Variants in TAFA1 observed in about 807,000 individuals in gnomAD.
The protein encoded by TAFA1 is TAFA chemokine like family member 1.
In TAFA1, 4 loss-of-function variants were observed where a neutral mutation model predicts 18.5. That is an observed-to-expected ratio of 0.22 (90% CI 0.11 to 0.49). The LOEUF (loss-of-function observed/expected upper bound fraction) is 0.49, where lower values mean the gene tolerates loss of function less well. Among genes scored for constraint, TAFA1 ranks in the 20% least tolerant of loss-of-function variants. The probability of loss-of-function intolerance (pLI) is 0.98; values close to 1 mark genes in which losing one functional copy is unlikely to be tolerated. For synonymous variants in TAFA1, 56 were observed against 55.2 expected, an observed-to-expected ratio of 1.01 and a Z score of -0.06; for missense variants, 147 against 169.0, an observed-to-expected ratio of 0.87 and a Z score of 0.72.
chr3:68,381,026 A>T (rs1332172692), intron 2 of TAFA1, among the ~76,000 whole-genome samples: 3 of 138,750 alleles, frequency 2.2e-5, no homozygotes, highest in South Asian at 5.3e-4. Flanking sequence ...TTAAATAAGG[A>T]ATCCTTTCCC....
intron 2 of TAFA1, among the ~76,000 whole-genome samples, chr3:68,386,906 A>G (rs550880206): frequency 6.6e-6 from 1 of 152,276 alleles, no homozygotes; most frequent in Admixed American, 6.5e-5. Flanking sequence ...ATCAATTTGC[A>G]AGACTCTTTA....
At chr3:68,505,590 T>C (rs2072734171) in intron 3 of TAFA1, among the ~76,000 whole-genome samples, 1 of 152,140 alleles carries the variant, frequency 6.6e-6, no homozygotes, top group Non-Finnish European at 1.5e-5. Flanking sequence ...TCTGGAGGCT[T>C]AACTATGGAA....
At chr3:68,412,338 T>TC (rs2070734333) in intron 2 of TAFA1, among the ~76,000 whole-genome samples, 1 of 150,766 alleles carries the variant, frequency 6.6e-6, no homozygotes, top group Non-Finnish European at 1.5e-5. Flanking sequence ...GCAAGTTTCT[T>TC]TTTTTTTTCT....
At chr3:68,052,489 A>G (rs1221595584) in intron 2 of TAFA1, among the ~76,000 whole-genome samples, 2 of 152,186 alleles carry the variant, frequency 1.3e-5, no homozygotes, top group Non-Finnish European at 2.9e-5. Context: ...ATCCTCTGAG[A>G]AGATACATCT....
intron 2 of TAFA1, among the ~76,000 whole-genome samples, chr3:68,032,902 A>G (rs1186187911): frequency 6.6e-6 from 1 of 152,120 alleles, no homozygotes; most frequent in Non-Finnish European, 1.5e-5. Flanking sequence ...TCTTTTCAGT[A>G]CTTGCTTCCT....
At chr3:68,093,727 C>T (rs2065054744) in intron 2 of TAFA1, among the ~76,000 whole-genome samples, 1 of 151,468 alleles carries the variant, frequency 6.6e-6, no homozygotes, top group Non-Finnish European at 1.5e-5. Context: ...ATCAATATAT[C>T]TTGTGTTTTT....
At chr3:68,383,259 T>C (rs2070017620) in intron 2 of TAFA1, among the ~76,000 whole-genome samples, 1 of 73,368 alleles carries the variant, frequency 1.4e-5, no homozygotes, top group Non-Finnish European at 2.9e-5. Flanking sequence ...TCCTTGTCTT[T>C]TGCGGGTTTT....
chr3:68,500,999 A>G (rs991779439), intron 3 of TAFA1, among the ~76,000 whole-genome samples: 1 of 151,442 alleles, frequency 6.6e-6, no homozygotes, highest in Non-Finnish European at 1.5e-5. Flanking sequence ...TAAAAATACA[A>G]AAAAAATTAG....
At chr3:68,376,914 C>T (rs139336079) in intron 2 of TAFA1, among the ~76,000 whole-genome samples, 1 of 152,198 alleles carries the variant, frequency 6.6e-6, no homozygotes, top group East Asian at 1.9e-4. Flanking sequence ...CTCATGAGGT[C>T]TGATGGTTCT....
chr3:68,125,624 C>G (rs926544391), intron 2 of TAFA1, among the ~76,000 whole-genome samples: 1 of 152,272 alleles, frequency 6.6e-6, no homozygotes, highest in Admixed American at 6.5e-5. Context: ...ACTGAAAGCC[C>G]TGGAAGCAGG....
chr3:68,074,260 C>T (rs1219843854), intron 2 of TAFA1, among the ~76,000 whole-genome samples: 1 of 152,150 alleles, frequency 6.6e-6, no homozygotes, highest in Non-Finnish European at 1.5e-5. Context: ...GCTGTAAATA[C>T]AGATGAAAAT....
At chr3:68,120,052 T>G (rs938672016) in intron 2 of TAFA1, among the ~76,000 whole-genome samples, 1 of 152,118 alleles carries the variant, frequency 6.6e-6, no homozygotes, top group Non-Finnish European at 1.5e-5. Flanking sequence ...CAGAGCAGGG[T>G]AGGATGTGGG....
At chr3:68,347,910 T>C (rs1167053437) in intron 2 of TAFA1, among the ~76,000 whole-genome samples, 2 of 152,158 alleles carry the variant, frequency 1.3e-5, no homozygotes, top group Non-Finnish European at 1.5e-5. Context: ...TCTTTATCTC[T>C]CTCCATTTGA....
At chr3:68,271,834 T>TCACACA (rs201531729) in intron 2 of TAFA1, among the ~76,000 whole-genome samples, 200 of 150,556 alleles carry the variant, frequency 1.3e-3, no homozygotes, top group African/African-American at 4.7e-3. Flanking sequence ...TCTCTCTCTC[T>TCACACA]CTCACACACA....
chr3:67,998,258 T>C, the TAFA1 span, among the ~76,000 whole-genome samples: 3 of 152,350 alleles, frequency 2.0e-5, no homozygotes, highest in African/African-American at 7.2e-5. Flanking sequence ...ATTTTATACG[T>C]AGGAAGAAAT....
chr3:68,106,873 A>G (rs1210390730), intron 2 of TAFA1, among the ~76,000 whole-genome samples: 2 of 152,128 alleles, frequency 1.3e-5, no homozygotes, highest in African/African-American at 2.4e-5. Flanking sequence ...AAACTGCAAG[A>G]TATAACATTA....
intron 2 of TAFA1, among the ~76,000 whole-genome samples, chr3:68,361,134 G>A (rs1268362336): frequency 2.0e-5 from 3 of 151,736 alleles, no homozygotes; most frequent in East Asian, 2.0e-4. Flanking sequence ...GCTGCATCAC[G>A]AAGTGTTGAG....
chr3:68,318,860 A>G (rs2068650002), intron 2 of TAFA1, among the ~76,000 whole-genome samples: 1 of 152,216 alleles, frequency 6.6e-6, no homozygotes, highest in African/African-American at 2.4e-5. Flanking sequence ...GCACTGTGTA[A>G]TATACCTACT....
chr3:68,311,325 G>C (rs2068512407), intron 2 of TAFA1, among the ~76,000 whole-genome samples: 1 of 94,840 alleles, frequency 1.1e-5, no homozygotes, highest in African/African-American at 4.2e-5. Flanking sequence ...AACCAATCAT[G>C]CCTTCCCAAC....
Sources: allele counts gnomAD v4.1 joint callset (sites outside exome capture counted in the v4.1 genomes callset), GRCh38; gene constraint gnomAD v4.1.1; transcripts MANE v1.5; gene names NCBI Gene and HGNC (gene_info 2026-07-23, HGNC 2026-07-21).